Variants in TNK2 observed in about 807,000 individuals in gnomAD.
The protein encoded by TNK2 is tyrosine kinase non receptor 2, also known as activated CDC42 kinase 1.
In TNK2, 83 loss-of-function variants were observed where a neutral mutation model predicts 101.8. The observed-to-expected ratio is 0.82, with a 90% CI of 0.68 to 0.98. The LOEUF (loss-of-function observed/expected upper bound fraction) is 0.98. Ranked by LOEUF, TNK2 falls within the 50% of genes least tolerant of loss-of-function variation. The probability of loss-of-function intolerance (pLI) is 0.00; values close to 1 mark genes in which losing one functional copy is unlikely to be tolerated. For synonymous variants in TNK2, 804 were observed against 633.0 expected (o/e 1.27, Z -4.06); for missense variants, 1,665 against 1,483.2 (o/e 1.12, Z -2.01).
Position 195,886,475 on chromosome 3 carries a change from C to G in TNK2, c.234+502G>C, listed in dbSNP as rs576387697. ...TGAGTCAGACCAGGGACTCACTACA[C>G]CACAGACCCAAATTAGGACAAGGTG... On this transcript the variant is annotated intron_variant, in intron 3 of 15. Coordinates refer to ENST00000672887, the MANE Select transcript of TNK2 (RefSeq NM_001382273.1). This position sits in a 1 kb window ranked among gnomAD's most constrained non-coding sequence, Gnocchi z 4.2. 6.6e-6 allele frequency among the ~76,000 whole-genome samples: 1 copy of G among 152,224 alleles called. No individual in the cohort carries two copies. Among genetic ancestry groups the G allele is most frequent in the East Asian group, 1.9e-4 (1 of 5,178 alleles).
chr3:195,882,236 C>T lies in TNK2; in HGVS notation c.702G>A (p.Val234=), dbSNP rs777909471. Residue 234 remains valine, a synonymous_variant, in exon 6 of 16, where the codon GTG becomes GTA. Coordinates refer to ENST00000672887, the MANE Select transcript of TNK2 (RefSeq NM_001382273.1). This position sits in a 1 kb window ranked among gnomAD's most constrained non-coding sequence, Gnocchi z 4.2. ...FLLGTLSRYA[V]QVAEGMGYLE... ...GGTAGCCCATGCCCTCAGCCACCTG[C>T]ACAGCGTAGCGGCTCAGAGTCCCCA... 6.2e-7 allele frequency: 1 copy of T among 1,613,810 alleles called. No homozygotes were observed. The highest frequency in any genetic ancestry group is 8.5e-7 in the Non-Finnish European group (1 of 1,180,038).
At position 195,886,807 on chromosome 3, in the gene TNK2, T is replaced by C. The variant is rs1372899147; in HGVS notation, c.234+170A>G. Among the ~76,000 whole-genome samples, 1 of 152,142 alleles carries C rather than the reference T, an allele frequency of 6.6e-6. No individual in the cohort carries two copies. Among genetic ancestry groups the C allele is most frequent in the Non-Finnish European group, 1.5e-5 (1 of 68,036 alleles). On this transcript the variant is annotated intron_variant, in intron 3 of 15. Coordinates refer to ENST00000672887, the MANE Select transcript of TNK2 (RefSeq NM_001382273.1). The surrounding 1 kb of genome is among the most constrained non-coding windows in gnomAD (Gnocchi z 4.2). Reference sequence around the variant, plus strand: ...AGACAGACACTTAGCCCAGCAGCTCTACAAGTGCCCTGCCCGATAAGACCC... The same window carrying C: ...AGACAGACACTTAGCCCAGCAGCTCCACAAGTGCCCTGCCCGATAAGACCC...
In TNK2 at chr3:195,879,031, C is replaced by T. The variant is rs778111834; in HGVS notation, c.1014+18G>A. 38 of 1,611,640 alleles carry T rather than the reference C, an allele frequency of 2.4e-5. No individual in the cohort carries two copies. In the Admixed American group the frequency reaches 6.2e-4, roughly 26 times the overall value. On this transcript the variant is annotated intron_variant, in intron 7 of 15. Transcript: ENST00000672887. ...TTCACCCCACCAGCCCTATGGGGGC[C>T]CGTCTCCCAGCCCTCACCTGACTGC...
rs772268617 is a variant in TNK2, at chr3:195,878,300, G to C, written c.1209C>G (p.Asp403Glu). Residue 403 changes from aspartate (D) to glutamate (E), a missense_variant, in exon 9 of 16, where the codon GAC becomes GAG. Coordinates refer to ENST00000672887, the MANE Select transcript of TNK2 (RefSeq NM_001382273.1). The surrounding 1 kb of genome is among the most constrained non-coding windows in gnomAD (Gnocchi z 4.7). ...MRALQDFEEP[D>E]KLHIQMNDVI... ...CATCATTCATCTGGATGTGCAGCTT[G>C]TCCGGTTCCTCAAAGTCCTGAAGGG... The C allele has an allele frequency of 1.4e-5, 23 of 1,614,038 alleles. No homozygotes were observed. Among genetic ancestry groups the C allele is most frequent in the Non-Finnish European group, 1.9e-5 (23 of 1,180,010 alleles).
chr3:195,875,717 T>C (rs1748749079), intron 9 of TNK2, among the ~76,000 whole-genome samples: 1 of 152,130 alleles, frequency 6.6e-6, no homozygotes, highest in Admixed American at 6.5e-5. Context: ...CCAGGGCTGC[T>C]ACCCGGCCGT....
chr3:195,889,765 C>A (rs1395626382), intron 1 of TNK2, among the ~76,000 whole-genome samples: 2 of 152,222 alleles, frequency 1.3e-5, no homozygotes, highest in Non-Finnish European at 2.9e-5. Flanking sequence ...GCAAGCGGAC[C>A]CACCGCACAG....
At chr3:195,875,817 G>A (rs1441634084) in intron 9 of TNK2, among the ~76,000 whole-genome samples, 4 of 152,072 alleles carry the variant, frequency 2.6e-5, no homozygotes, top group Middle Eastern at 3.2e-3. Context: ...TGCTGCCCCC[G>A]GGCCTCTGGT....
chr3:195,891,665 C>G (rs961930082), intron 1 of TNK2, among the ~76,000 whole-genome samples: 2 of 152,086 alleles, frequency 1.3e-5, no homozygotes, highest in African/African-American at 4.8e-5. Flanking sequence ...GACCCCCCCC[C>G]TCCAGGGCTC....
At position 195,872,349 on chromosome 3, in the gene TNK2, T is replaced by A; in HGVS notation, c.1378A>T (p.Asn460Tyr). 1 of 1,613,378 alleles carries A rather than the reference T, an allele frequency of 6.2e-7. No individual in the cohort carries two copies. Reference protein sequence around the residue: ...SAQDISQPLQNSFIHTGHGDS... With the variant: ...SAQDISQPLQYSFIHTGHGDS... ...CCATGCCCTGTGTGGATGAAGCTGT[T>A]CTGCAGGGGCTGGCTGATGTCCTGG... Residue 460 changes from asparagine (N) to tyrosine (Y), a missense_variant, in exon 10 of 16, where the codon AAC (asparagine) becomes TAC (tyrosine). Asn to Tyr is a moderately radical substitution (Grantham distance 143). Around this residue, in one of 3 missense-constraint regions of TNK2, gnomAD observed 1,136 missense variants for 894.9 expected, o/e 1.27. Coordinates refer to ENST00000672887, the MANE Select transcript of TNK2 (RefSeq NM_001382273.1).
chr3:195,903,830 A>C (rs1212175312), intron 1 of TNK2, among the ~76,000 whole-genome samples: 3 of 152,230 alleles, frequency 2.0e-5, no homozygotes, highest in African/African-American at 7.2e-5. Flanking sequence ...AGCAGATGAC[A>C]CGGCGCCCTA....
chr3:195,890,039 C>G (rs944854264), intron 1 of TNK2, among the ~76,000 whole-genome samples: 1 of 152,210 alleles, frequency 6.6e-6, no homozygotes, highest in Non-Finnish European at 1.5e-5. Context: ...GCCCTGCCAA[C>G]ACAGTGCCAG....
rs751856186 is a variant in TNK2, at chr3:195,867,529, G to C, written c.2769C>G (p.Thr923=). ...AGGCAGCCTGGGGCATCGGCCGCAC[G>C]GTGGCCGTGGGGGCGGCGGGGGCTG... ...STPAPAAPTA[T]VRPMPQAALD... The change falls in exon 13 of 16, where the codon ACC becomes ACG. Residue 923 remains threonine, a synonymous_variant. Coordinates refer to ENST00000672887, the MANE Select transcript of TNK2 (RefSeq NM_001382273.1). 1 of 1,542,772 alleles carries C rather than the reference G, an allele frequency of 6.5e-7. No individual in the cohort carries two copies. The highest frequency in any genetic ancestry group is 1.4e-5 in the African/African-American group (1 of 73,454).
At chr3:195,896,349 G>A (rs1760504519) in intron 1 of TNK2, 10 of 315,596 alleles carry the variant, frequency 3.2e-5, no homozygotes, top group South Asian at 2.2e-4. Context: ...TCCCCACGCA[G>A]CGTCAAGGCT....
Position 195,885,414 on chromosome 3 carries a change from C to A in TNK2, c.235-381G>T. On this transcript the variant is annotated intron_variant, in intron 3 of 15. Coordinates refer to ENST00000672887, the MANE Select transcript of TNK2 (RefSeq NM_001382273.1). This position sits in a 1 kb window ranked among gnomAD's most constrained non-coding sequence, Gnocchi z 4.7. The stretch of plus-strand genomic sequence containing the variant: ...CACCCCGCAGACTCCAGCCCTAACC[C>A]GCATCGATGGAGCCGCAGGGGCCCT... The A allele has an allele frequency of 2.2e-6, 3 of 1,338,912 alleles. No homozygotes were observed. Among genetic ancestry groups the A allele is most frequent in the Non-Finnish European group, 2.9e-6 (3 of 1,021,548 alleles). 82.9% of individuals were successfully genotyped at this position (1,338,912 alleles called of 1,614,324 possible).
At position 195,888,014 on chromosome 3, in the gene TNK2, G is replaced by C. The variant is rs1011759680; in HGVS notation, c.163+412C>G. ...TGCATGCGTGTGTGCGTGTGAGAGAGCAAGAAAGAGAGCGTGAGCACGAAT... is the reference window on the plus strand; with the variant it reads ...TGCATGCGTGTGTGCGTGTGAGAGACCAAGAAAGAGAGCGTGAGCACGAAT... On this transcript the variant is annotated intron_variant, in intron 2 of 15. Transcript: ENST00000672887. This position sits in a 1 kb window ranked among gnomAD's most constrained non-coding sequence, Gnocchi z 5.3. 2.0e-5 allele frequency among the ~76,000 whole-genome samples: 3 copies of C among 152,118 alleles called. No homozygotes were observed. The highest frequency in any genetic ancestry group is 4.8e-5 in the African/African-American group (2 of 41,436).
At chr3:195,864,290 G>A (rs1016998099) in intron 15 of TNK2, 103 bp from the exon 16 acceptor site, 116 of 1,301,722 alleles carry the variant, frequency 8.9e-5, no homozygotes, top group Non-Finnish European at 1.2e-4. Context: ...ACTGGAAGCT[G>A]GCAGTCCCCG....
intron 1 of TNK2, among the ~76,000 whole-genome samples, chr3:195,899,762 G>T (rs975850282): frequency 6.6e-6 from 1 of 152,206 alleles, no homozygotes; most frequent in African/African-American, 2.4e-5. Context: ...TCTGTACATC[G>T]TAAGGGAACC....
chr3:195,898,210 C>T (rs1760843708), intron 1 of TNK2, among the ~76,000 whole-genome samples: 1 of 152,176 alleles, frequency 6.6e-6, no homozygotes, highest in South Asian at 2.1e-4. Flanking sequence ...CCTCCACCTT[C>T]TCCACCAGAC....
intron 14 of TNK2, 76 bp downstream of exon 14, chr3:195,867,093 G>A: frequency 1.2e-6 from 2 of 1,607,088 alleles, no homozygotes; most frequent in Non-Finnish European, 1.7e-6. Context: ...GTCGGAGCCA[G>A]GGGGCGTGGG....
Sources: gnomAD v4.1 joint callset for allele counts (sites outside exome capture counted in the v4.1 genomes callset) on GRCh38, gnomAD v4.1.1 for gene constraint, gnomAD v4.1.1 regional missense constraint, Gnocchi (gnomAD v3.1) non-coding constraint, MANE v1.5 for transcripts, NCBI Gene and HGNC (gene_info 2026-07-23, HGNC 2026-07-21) for gene names.